Variants in MYO1C observed in about 807,000 individuals in gnomAD.
The protein encoded by MYO1C is myosin IC.
In MYO1C, 104 loss-of-function variants were observed where a neutral mutation model predicts 150.8. The ratio of observed to expected loss-of-function variants is 0.69; its 90% CI spans 0.59 to 0.81. The LOEUF (loss-of-function observed/expected upper bound fraction) is 0.81, where lower values mean the gene tolerates loss of function less well. MYO1C is among the 30% of genes least tolerant of loss of function. The pLI is 0.00. For synonymous variants in MYO1C, 663 were observed against 579.9 expected (o/e 1.14, Z -2.06); for missense variants, 1,504 against 1,435.0 (o/e 1.05, Z -0.78).
At chr17:1,470,761 C>G (rs2074286137) in intron 21 of MYO1C, 72 bp from the exon 22 acceptor site, 1 of 1,466,106 alleles carries the variant, frequency 6.8e-7, no homozygotes, top group African/African-American at 1.4e-5. Flanking sequence ...CGTGTGCGCT[C>G]CACGAGTGGC....
At chr17:1,476,393 G>A (rs899988733) in intron 14 of MYO1C, among the ~76,000 whole-genome samples, 1 of 152,204 alleles carries the variant, frequency 6.6e-6, no homozygotes, top group Non-Finnish European at 1.5e-5. Context: ...GGCTGGTCTT[G>A]AATTCCTGAC....
At position 1,472,117 on chromosome 17, in the gene MYO1C, G is replaced by A. The variant is rs1021536662; in HGVS notation, c.1903+6C>T. ...GGCCCCGAAGTCCCCCGTGGGAGGG[G>A]CCTACCGGGCTGTTTGGCATCATTG... On this transcript the variant is annotated splice_donor_region_variant and intron_variant, in intron 18 of 31. Transcript: ENST00000648651. The A allele has an allele frequency of 6.2e-7, 1 of 1,613,958 alleles. No homozygotes were observed. The highest frequency in any genetic ancestry group is 1.3e-5 in the African/African-American group (1 of 75,064).
Position 1,467,288 on chromosome 17 carries a change from C to T in MYO1C, c.3119G>A (p.Gly1040Asp), listed in dbSNP as rs767116512. The T allele has an allele frequency of 6.2e-7, 1 of 1,613,496 alleles. No individual in the cohort carries two copies. The highest frequency in any genetic ancestry group is 8.5e-7 in the Non-Finnish European group (1 of 1,179,880). ...GRDGTIDFTP[G>D]SELLITKAKN... ...GGCCTTGGTGATGAGCAGCTCCGAGCCGGGTGTGAAGTCAATGGTGCCATC... is the reference window on the plus strand; with the variant it reads ...GGCCTTGGTGATGAGCAGCTCCGAGTCGGGTGTGAAGTCAATGGTGCCATC... The change falls in exon 31 of 32, where the codon GGC becomes GAC. Residue 1040 changes from glycine (G) to aspartate (D), a missense_variant. Transcript: ENST00000648651.
rs2074319637 is a variant in MYO1C, at chr17:1,472,231, G to C, written c.1798-3C>G. ...CTCATCTTGAACTGGGTGGCGACCTGGCGAGCCAAGAGGCATGGGAGGTTG... is the reference window on the plus strand; with the variant it reads ...CTCATCTTGAACTGGGTGGCGACCTCGCGAGCCAAGAGGCATGGGAGGTTG... On this transcript the variant is annotated splice_polypyrimidine_tract_variant and splice_region_variant and intron_variant, in intron 17 of 31. Coordinates refer to ENST00000648651, the MANE Select transcript of MYO1C (RefSeq NM_001080779.2). The C allele has an allele frequency of 6.2e-7, 1 of 1,613,846 alleles. No individual in the cohort carries two copies. Among genetic ancestry groups the C allele is most frequent in the African/African-American group, 1.3e-5 (1 of 74,924 alleles).
chr17:1,465,675 GA>G lies in MYO1C; in HGVS notation c.*50del. ...AGTCTTTGGTAACTGGGAAGGGGAG[GA>G]GGAGAAAAGCAAAGCATTGGGCGTT... On this transcript the variant is annotated 3_prime_UTR_variant, in exon 32 of 32. Transcript: ENST00000648651. The G allele has an allele frequency of 7.5e-7, 1 of 1,327,234 alleles. No homozygotes were observed. Among genetic ancestry groups the G allele is most frequent in the Non-Finnish European group, 9.7e-7 (1 of 1,026,608 alleles). The allele number at this position is 1,327,234 out of a possible 1,614,324, so 82.2% of individuals were successfully genotyped here. A position where few individuals can be genotyped will look rare whatever the true frequency, so the allele number is the denominator to read the frequency against.
intron 25 of MYO1C, 146 bp from the exon 26 acceptor site, chr17:1,468,642 C>G (rs1161292919): frequency 4.4e-6 from 3 of 674,638 alleles, no homozygotes; most frequent in Non-Finnish European, 7.9e-6. Flanking sequence ...AGCCCTGCCC[C>G]CCACACGCCC....
intron 1 of MYO1C, chr17:1,484,519 T>A: frequency 1.6e-6 from 1 of 626,236 alleles, no homozygotes; most frequent in East Asian, 2.8e-5. Flanking sequence ...CGGGTCCCAG[T>A]GTGGCAGCAG....
chr17:1,470,715 GGCCAGAGCGCGGGGAGCCAGCTGGGA>G (rs761045958), intron 21 of MYO1C, 26 bp from the exon 22 acceptor site: 2 of 1,594,840 alleles, frequency 1.3e-6, no homozygotes, highest in East Asian at 4.5e-5. Context: ...AAAGGCAATT[GGCCAGAGCGCGGGGAGCCAGCTGGGA>G]GCCTGGTGCC....
In MYO1C at chr17:1,474,970, T is replaced by A; in HGVS notation, c.1637A>T (p.His546Leu). ...SLGRGEFRLL[H>L]YAGEVTYSVT... ...GCTGTAGGTCACCTCCCCCGCATAG[T>A]GCAGAAGGCGGAATTCCCCTCGGCC... The change falls in exon 15 of 32, where the codon CAC (histidine) becomes CTC (leucine). Residue 546 changes from histidine to leucine, a missense_variant. Coordinates refer to ENST00000648651, the MANE Select transcript of MYO1C (RefSeq NM_001080779.2). The A allele has an allele frequency of 6.4e-7, 1 of 1,570,934 alleles. No homozygotes were observed. The highest frequency in any genetic ancestry group is 8.6e-7 in the Non-Finnish European group (1 of 1,157,382).
rs909470796 is a variant in MYO1C, at chr17:1,483,063, G to C, written c.348-4C>G. The C allele has an allele frequency of 6.3e-7, 1 of 1,597,900 alleles. No individual in the cohort carries two copies. The highest frequency in any genetic ancestry group is 8.5e-7 in the Non-Finnish European group (1 of 1,172,990). On this transcript the variant is annotated splice_region_variant and splice_polypyrimidine_tract_variant and intron_variant, in intron 3 of 31. Transcript: ENST00000648651. ...CACAGTGTCCGCCACGGCAAACCTGGGGCGGAGGCTCGTCAGGGAGTTTGG... is the reference window on the plus strand; with the variant it reads ...CACAGTGTCCGCCACGGCAAACCTGCGGCGGAGGCTCGTCAGGGAGTTTGG...
intron 17 of MYO1C, among the ~76,000 whole-genome samples, chr17:1,472,966 C>T (rs1045890878): frequency 3.9e-5 from 6 of 152,002 alleles, no homozygotes; most frequent in Admixed American, 1.3e-4. Context: ...TTTGGGAGGC[C>T]GAGGCGGGCG....
In MYO1C at chr17:1,482,384, G is replaced by C. The variant is rs948228081; in HGVS notation, c.627+94C>G. 20 of 1,134,114 alleles carry C rather than the reference G, an allele frequency of 1.8e-5. No homozygotes were observed. The Admixed American group carries it at 2.6e-4, about 15-fold the overall frequency. 70.3% of individuals were successfully genotyped at this position (1,134,114 alleles called of 1,614,324 possible). ...TTTGCTTTGTTTGACTGCTGGAATT[G>C]CAGCACCTGGAATAGTCCCTGGTAC... On this transcript the variant is annotated intron_variant, in intron 5 of 31. Transcript: ENST00000648651.
In MYO1C at chr17:1,471,962, G is replaced by A. The variant is rs758453580; in HGVS notation, c.1966C>T (p.Arg656Cys). The change falls in exon 19 of 32, where the codon CGC (arginine) becomes TGC (cysteine). Residue 656 changes from arginine to cysteine, a missense_variant. Arg to Cys is a radical substitution (Grantham distance 180, BLOSUM62 -3). Transcript: ENST00000648651. ...VKYLGLLENL[R>C]VRRAGFAYRR... ...TAGGCAAAGCCGGCTCTGCGCACGC[G>A]CAGGTTTTCCAACAGCCCCAGGTAC... The A allele has an allele frequency of 2.7e-5, 43 of 1,614,108 alleles. No individual in the cohort carries two copies. The highest frequency in any genetic ancestry group is 3.3e-5 in the Non-Finnish European group (39 of 1,180,018).
chr17:1,474,465 A>G, intron 17 of MYO1C, 145 bp downstream of exon 17: 1 of 740,190 alleles, frequency 1.4e-6, no homozygotes, highest in Non-Finnish European at 2.3e-6. Context: ...GCAAAGAGGC[A>G]CCTAAGGCAG....
At chr17:1,485,355 T>G in intron 1 of MYO1C, 1 of 277,878 alleles carries the variant, frequency 3.6e-6, no homozygotes, top group Non-Finnish European at 4.6e-6. Flanking sequence ...GGCCCAGATT[T>G]CTGGCCGGGG....
Position 1,468,038 on chromosome 17 carries a change from A to G in MYO1C, c.2846T>C (p.Ile949Thr). 1 of 1,612,976 alleles carries G rather than the reference A, an allele frequency of 6.2e-7. No homozygotes were observed. Among genetic ancestry groups the G allele is most frequent in the Non-Finnish European group, 8.5e-7 (1 of 1,179,842 alleles). Residue 949 changes from isoleucine (I) to threonine (T), a missense_variant, in exon 28 of 32, where the codon ATC (isoleucine) becomes ACC (threonine). Transcript: ENST00000648651. Reference protein sequence around the residue: ...QLLLTPNAVVIVEDAKVKQRI... With the variant: ...QLLLTPNAVVTVEDAKVKQRI... ...CTGCTTGACTTTGGCGTCCTCCACG[A>G]TGACGACGGCGTTGGGCGTGAGCAG...
Position 1,471,266 on chromosome 17 carries a change from C to T in MYO1C, c.2092G>A (p.Val698Ile), listed in dbSNP as rs1318476909. 6.2e-7 allele frequency: 1 copy of T among 1,613,966 alleles called. No homozygotes were observed. The highest frequency in any genetic ancestry group is 8.5e-7 in the Non-Finnish European group (1 of 1,179,996). Residue 698 changes from valine (V) to isoleucine (I), a missense_variant, in exon 20 of 32, where the codon GTC becomes ATC. Physicochemically the swap from Val to Ile is conservative, Grantham distance 29. Coordinates refer to ENST00000648651, the MANE Select transcript of MYO1C (RefSeq NM_001080779.2). ...GRPQDGVAVL[V>I]RHLGYKPEEY... ...TCTGGCTTGTAGCCCAGGTGTCGGA[C>T]CAGCACAGCCACCCCATCCTGCGGC...
chr17:1,491,447 A>ACCCC (rs891129765), intron 1 of MYO1C, among the ~76,000 whole-genome samples: 2 of 54,008 alleles, frequency 3.7e-5, no homozygotes, highest in Admixed American at 1.4e-4. Flanking sequence ...GGGTCGTGGG[A>ACCCC]CCCCCCCCCC....
Position 1,479,746 on chromosome 17 carries a change from C to T in MYO1C, c.907-41G>A. 6.8e-7 allele frequency: 1 copy of T among 1,473,482 alleles called. No individual in the cohort carries two copies. The allele number at this position is 1,473,482 out of a possible 1,614,324, so 91.3% of individuals were successfully genotyped here. A position where few individuals can be genotyped will look rare whatever the true frequency, so the allele number is the denominator to read the frequency against. ...GGGGGCAGGAGGGGGTGAGAGGGGC[C>T]AGAGAGCCCCAAGAGGGCAACTAGC... On this transcript the variant is annotated intron_variant, in intron 7 of 31. Transcript: ENST00000648651. This position sits in a 1 kb window ranked among gnomAD's most constrained non-coding sequence, Gnocchi z 4.2.
Sources: allele counts gnomAD v4.1 joint callset (sites outside exome capture counted in the v4.1 genomes callset), GRCh38; gene constraint gnomAD v4.1.1; non-coding constraint Gnocchi (gnomAD v3.1); transcripts MANE v1.5; gene names NCBI Gene and HGNC (gene_info 2026-07-23, HGNC 2026-07-21).